Variants in COL27A1 observed in about 807,000 individuals in gnomAD.
The protein encoded by COL27A1 is collagen alpha-1(XXVII) chain.
A neutral mutation model predicts 251.3 loss-of-function variants in COL27A1; 106 were observed. The observed-to-expected ratio is 0.42, with a 90% confidence interval of 0.36 to 0.50. The LOEUF (loss-of-function observed/expected upper bound fraction) is 0.50, where lower values mean the gene tolerates loss of function less well. Ranked by LOEUF, COL27A1 falls within the 20% of genes least tolerant of loss-of-function variation. The probability of loss-of-function intolerance (pLI) is 0.00; values close to 1 mark genes in which losing one functional copy is unlikely to be tolerated. For synonymous variants in COL27A1, 1,000 were observed against 986.3 expected, an observed-to-expected ratio of 1.01 and a Z score of -0.26; for missense variants, 2,325 against 2,522.8, an observed-to-expected ratio of 0.92 and a Z score of 1.68.
intron 41 of COL27A1, among the ~76,000 whole-genome samples, chr9:114,288,058 A>G (rs1423713995): frequency 6.6e-6 from 1 of 152,038 alleles, no homozygotes; most frequent in Non-Finnish European, 1.5e-5. Flanking sequence ...TGGGCATCAC[A>G]TGCTGTCCCC....
chr9:114,198,453 G>A (rs1300255840), intron 7 of COL27A1, among the ~76,000 whole-genome samples: 1 of 152,228 alleles, frequency 6.6e-6, no homozygotes, highest in East Asian at 1.9e-4. Flanking sequence ...CCATCGTGGT[G>A]ATTCTGGCTC....
At position 114,168,721 on chromosome 9, in the gene COL27A1, A is replaced by G. The variant is rs2135080899; in HGVS notation, c.1166A>G (p.Gln389Arg). The change falls in exon 3 of 61, where the codon CAG (glutamine) becomes CGG (arginine). Residue 389 changes from glutamine (Q) to arginine (R), a missense_variant. Transcript: ENST00000356083. ...CCCATCAAAAGCCCCCATCCTACCCAGAAAACAGCTCCATCTTCATTTACA... is the reference window on the plus strand; with the variant it reads ...CCCATCAAAAGCCCCCATCCTACCCGGAAAACAGCTCCATCTTCATTTACA... ...IVPIKSPHPT[Q>R]KTAPSSFTKS... The G allele has an allele frequency of 6.2e-7, 1 of 1,614,008 alleles. No homozygotes were observed. Among genetic ancestry groups the G allele is most frequent in the Admixed American group, 1.7e-5 (1 of 60,020 alleles).
intron 21 of COL27A1, among the ~76,000 whole-genome samples, chr9:114,240,958 G>A (rs1832716674): frequency 1.3e-5 from 2 of 152,218 alleles, no homozygotes; most frequent in Admixed American, 6.5e-5. Flanking sequence ...CATGACATAC[G>A]TCCTATGCTG....
At chr9:114,250,783 C>T in intron 25 of COL27A1, 115 bp downstream of exon 25, 2 of 857,998 alleles carry the variant, frequency 2.3e-6, no homozygotes, top group Middle Eastern at 2.4e-4. Context: ...TAGCCTCTCT[C>T]CTGACCTGGC....
In COL27A1 at chr9:114,264,973, G is replaced by A; in HGVS notation, c.3294+5G>A. On this transcript the variant is annotated splice_donor_5th_base_variant and intron_variant, in intron 30 of 60. Coordinates refer to ENST00000356083, the MANE Select transcript of COL27A1 (RefSeq NM_032888.4). ...CCGGGCCGGCCTGGACAGCAGGTAT[G>A]TCAGGCCAAGGCCAAGCAGGCCAGC... 6.2e-7 allele frequency: 1 copy of A among 1,613,200 alleles called. No individual in the cohort carries two copies. The highest frequency in any genetic ancestry group is 8.5e-7 in the Non-Finnish European group (1 of 1,179,410).
chr9:114,267,394 AC>A, intron 33 of COL27A1, 109 bp from the exon 34 acceptor site: 1 of 856,996 alleles, frequency 1.2e-6, no homozygotes, highest in African/African-American at 1.8e-5. Flanking sequence ...CATCTCTTGC[AC>A]TGTGTGACCC....
intron 58 of COL27A1, chr9:114,306,969 G>A (rs1005816085): frequency 2.4e-5 from 9 of 379,806 alleles, no homozygotes; most frequent in African/African-American, 4.2e-5. Context: ...ACAGGCTCCC[G>A]GGTGAGCCAG....
chr9:114,195,588 A>G (rs533775693), intron 6 of COL27A1, among the ~76,000 whole-genome samples: 8 of 152,332 alleles, frequency 5.3e-5, no homozygotes, highest in African/African-American at 1.9e-4. Flanking sequence ...ATGCCCAGCA[A>G]TGGAAGGTGT....
At position 114,297,840 on chromosome 9, in the gene COL27A1, T is replaced by C. The variant is rs1828358905; in HGVS notation, c.4585-2230T>C. Among the ~76,000 whole-genome samples, 3 of 152,140 alleles carry C rather than the reference T, an allele frequency of 2.0e-5. No homozygotes were observed. The South Asian group carries it at 6.2e-4, about 32-fold the overall frequency. On this transcript the variant is annotated intron_variant, in intron 49 of 60. Transcript: ENST00000356083. ...AATTAGTAGAACTAATAAACCAAAGTTGCAGGATATAAGATCAATATACAA... is the reference window on the plus strand; with the variant it reads ...AATTAGTAGAACTAATAAACCAAAGCTGCAGGATATAAGATCAATATACAA...
At chr9:114,302,648 C>T (rs886345240) in intron 56 of COL27A1, among the ~76,000 whole-genome samples, 5 of 149,874 alleles carry the variant, frequency 3.3e-5, no homozygotes, top group Non-Finnish European at 7.4e-5. Flanking sequence ...GAGGAGGCTG[C>T]AGTGAGCCAA....
At chr9:114,169,539 A>G in intron 3 of COL27A1, 76 bp downstream of exon 3, 1 of 1,216,900 alleles carries the variant, frequency 8.2e-7, no homozygotes, top group East Asian at 2.4e-5. Context: ...GGTTGCCCCT[A>G]GTAAAGACAG....
At chr9:114,154,533 G>A (rs1170915260), upstream of COL27A1, among the ~76,000 whole-genome samples, 4 of 152,210 alleles carry the variant, frequency 2.6e-5, no homozygotes, top group Non-Finnish European at 1.5e-5. This position sits in a 1 kb window ranked among gnomAD's most constrained non-coding sequence, Gnocchi z 5.8. Flanking sequence ...GCAAGTGAGG[G>A]TGTGCGCGCG....
chr9:114,180,345 G>A (rs1202113792), intron 4 of COL27A1, among the ~76,000 whole-genome samples: 1 of 152,130 alleles, frequency 6.6e-6, no homozygotes, highest in Admixed American at 6.5e-5. Context: ...GGAATCTTAG[G>A]CAAGTCCCTT....
chr9:114,297,275 A>C (rs552499491), intron 49 of COL27A1, among the ~76,000 whole-genome samples: 2 of 152,306 alleles, frequency 1.3e-5, no homozygotes, highest in Non-Finnish European at 2.9e-5. Flanking sequence ...TGTATAGGAG[A>C]CAGCCATCAG....
chr9:114,268,678 A>T (rs560940309), intron 34 of COL27A1: 1 of 152,324 alleles, frequency 6.6e-6, no homozygotes, highest in Non-Finnish European at 1.5e-5. Context: ...CTCTAAAATA[A>T]TGCCTTTCCT....
intron 10 of COL27A1, chr9:114,209,394 G>A (rs1247986269): frequency 1.4e-6 from 1 of 717,346 alleles, no homozygotes; most frequent in South Asian, 1.4e-5. Flanking sequence ...CTGGAGCCCT[G>A]GCGTGGGGCG....
intron 4 of COL27A1, among the ~76,000 whole-genome samples, chr9:114,179,895 A>G (rs1025722399): frequency 2.5e-4 from 34 of 136,038 alleles, no homozygotes; most frequent in Admixed American, 7.5e-4. Context: ...CTGGAGTGCA[A>G]TGGAGCAATC....
Position 114,258,522 on chromosome 9 carries a change from CTCTT to C in COL27A1, c.3142-15_3142-12del, listed in dbSNP as rs769957852. 1.7e-5 allele frequency: 28 copies of C among 1,611,508 alleles called. No homozygotes were observed. The highest frequency in any genetic ancestry group is 8.4e-5 in the Admixed American group (5 of 59,692). Reference sequence around the variant, plus strand: ...CTTCCTAAAAAGGGGCCTCTCCAAACTCTTTCTCCTCTTCCCAGGGTCCTCCAGG... The same window carrying C: ...CTTCCTAAAAAGGGGCCTCTCCAAACTCTCCTCTTCCCAGGGTCCTCCAGG... On this transcript the variant is annotated splice_polypyrimidine_tract_variant and intron_variant, in intron 27 of 60. Transcript: ENST00000356083.
chr9:114,290,614 C>A lies in COL27A1; in HGVS notation c.4369-196C>A, dbSNP rs1033320323. 6.6e-6 allele frequency among the ~76,000 whole-genome samples: 1 copy of A among 152,132 alleles called. No homozygotes were observed. The highest frequency in any genetic ancestry group is 6.5e-5 in the Admixed American group (1 of 15,282). On this transcript the variant is annotated intron_variant, in intron 47 of 60. Coordinates refer to ENST00000356083, the MANE Select transcript of COL27A1 (RefSeq NM_032888.4). This position sits in a 1 kb window ranked among gnomAD's most constrained non-coding sequence, Gnocchi z 4.6. The stretch of plus-strand genomic sequence containing the variant: ...CGCCCCTTCCTCACTCAGAATCCCG[C>A]CCTTCCCCACTCACAATCCTCAGCT...
Sources: allele counts gnomAD v4.1 joint callset (sites outside exome capture counted in the v4.1 genomes callset), GRCh38; gene constraint gnomAD v4.1.1; non-coding constraint Gnocchi (gnomAD v3.1); transcripts MANE v1.5; gene names NCBI Gene and HGNC (gene_info 2026-07-23, HGNC 2026-07-21).